IMMP2L: variants seen among roughly 807,000 people sequenced by gnomAD.
The protein encoded by IMMP2L is mitochondrial inner membrane protease subunit 2.
In IMMP2L, 18 loss-of-function variants were observed where a neutral mutation model predicts 19.3. That is an observed-to-expected ratio of 0.93 (90% confidence interval 0.64 to 1.38). IMMP2L has a LOEUF of 1.38. Ranked by LOEUF, IMMP2L falls within the 40% of genes most tolerant of loss-of-function variation. The pLI, the probability that IMMP2L is intolerant of heterozygous loss-of-function variation, is 0.00. For synonymous variants in IMMP2L, 76 were observed against 73.0 expected (o/e 1.04, Z -0.21); for missense variants, 233 against 218.2 (o/e 1.07, Z -0.43).
intron 5 of IMMP2L, among the ~76,000 whole-genome samples, chr7:110,689,055 T>G (rs1364177058): frequency 1.3e-5 from 2 of 152,142 alleles, no homozygotes; most frequent in Non-Finnish European, 2.9e-5. Context: ...CAACATCATC[T>G]GACAACTTGC....
chr7:111,224,329 T>G (rs536591213), intron 3 of IMMP2L, among the ~76,000 whole-genome samples: 2 of 152,154 alleles, frequency 1.3e-5, no homozygotes. Context: ...TTAAGGAAAA[T>G]TAACTTAATG....
intron 3 of IMMP2L, among the ~76,000 whole-genome samples, chr7:111,473,769 T>C (rs1252422746): frequency 1.3e-5 from 2 of 152,158 alleles, no homozygotes; most frequent in African/African-American, 4.8e-5. Context: ...GGAGATTTCT[T>C]AAAGAACTTA....
intron 5 of IMMP2L, among the ~76,000 whole-genome samples, chr7:110,804,242 C>T (rs1395466320): frequency 6.6e-6 from 1 of 152,028 alleles, no homozygotes; most frequent in Admixed American, 6.6e-5. Context: ...CTAGATCCTT[C>T]TTTCATGCCA....
At chr7:110,835,086 C>T (rs1804316017) in intron 5 of IMMP2L, among the ~76,000 whole-genome samples, 1 of 152,120 alleles carries the variant, frequency 6.6e-6, no homozygotes, top group African/African-American at 2.4e-5. Context: ...ACCACCAGAG[C>T]ACCTTAGGCA....
At chr7:111,263,843 G>C (rs1364730029) in intron 3 of IMMP2L, among the ~76,000 whole-genome samples, 1 of 152,110 alleles carries the variant, frequency 6.6e-6, no homozygotes, top group East Asian at 1.9e-4. Flanking sequence ...AGCATTTCAA[G>C]GAAGAAAGAA....
chr7:110,968,510 C>G (rs902255894), intron 3 of IMMP2L, among the ~76,000 whole-genome samples: 1 of 151,884 alleles, frequency 6.6e-6, no homozygotes, highest in African/African-American at 2.4e-5. Flanking sequence ...CCCGTCTCTA[C>G]AAAAAATACA....
intron 3 of IMMP2L, among the ~76,000 whole-genome samples, chr7:111,355,967 G>C (rs550319829): frequency 1.3e-5 from 2 of 151,956 alleles, no homozygotes; most frequent in African/African-American, 2.4e-5. Flanking sequence ...ATGATTATCT[G>C]AAAAACAAAC....
At chr7:110,964,796 T>C (rs1248965645) in intron 3 of IMMP2L, among the ~76,000 whole-genome samples, 1 of 151,950 alleles carries the variant, frequency 6.6e-6, no homozygotes, top group Non-Finnish European at 1.5e-5. Context: ...TTTCTATTTT[T>C]TCCTCCAACA....
At chr7:111,025,231 C>T (rs1379724650) in intron 3 of IMMP2L, among the ~76,000 whole-genome samples, 19 of 152,120 alleles carry the variant, frequency 1.2e-4, no homozygotes, top group Non-Finnish European at 1.9e-4. Context: ...TAAAGTGGCT[C>T]ACCACTTAAT....
intron 5 of IMMP2L, among the ~76,000 whole-genome samples, chr7:110,740,316 T>C (rs899823283): frequency 2.0e-5 from 3 of 152,124 alleles, no homozygotes; most frequent in South Asian, 4.1e-4. Flanking sequence ...ATAAAATTGA[T>C]AGACCATTAG....
intron 5 of IMMP2L, among the ~76,000 whole-genome samples, chr7:110,832,686 T>C (rs994489618): frequency 1.3e-5 from 2 of 152,156 alleles, no homozygotes; most frequent in Non-Finnish European, 2.9e-5. Context: ...GTGATAATAA[T>C]AAAAAGTTTC....
At chr7:111,202,381 C>G (rs1005228942) in intron 3 of IMMP2L, among the ~76,000 whole-genome samples, 8 of 152,182 alleles carry the variant, frequency 5.3e-5, no homozygotes, top group Non-Finnish European at 1.0e-4. Flanking sequence ...ACTGTACTCA[C>G]GCACTCATAG....
intron 5 of IMMP2L, among the ~76,000 whole-genome samples, chr7:110,848,826 G>A (rs781674624): frequency 7.9e-5 from 12 of 151,972 alleles, no homozygotes; most frequent in Non-Finnish European, 1.3e-4. Context: ...CATACTATAC[G>A]ATTTCAAATA....
At chr7:111,372,530 A>G (rs1830344998) in intron 3 of IMMP2L, among the ~76,000 whole-genome samples, 1 of 152,018 alleles carries the variant, frequency 6.6e-6, no homozygotes, top group African/African-American at 2.4e-5. Context: ...AGCAGATACC[A>G]AGGAAGGCAG....
intron 3 of IMMP2L, among the ~76,000 whole-genome samples, chr7:111,078,260 G>C (rs915369687): frequency 2.6e-5 from 4 of 152,150 alleles, no homozygotes; most frequent in African/African-American, 9.7e-5. Context: ...AATAAATGCT[G>C]GCAAGGGCAT....
chr7:111,144,781 C>T (rs961993119), intron 3 of IMMP2L, among the ~76,000 whole-genome samples: 1 of 152,022 alleles, frequency 6.6e-6, no homozygotes, highest in African/African-American at 2.4e-5. Flanking sequence ...TATTTATGTG[C>T]CAGTACTGAG....
chr7:111,522,636 AC>A (rs1435013997), intron 1 of IMMP2L, among the ~76,000 whole-genome samples: 7 of 152,078 alleles, frequency 4.6e-5, no homozygotes, highest in Non-Finnish European at 1.0e-4. Flanking sequence ...TCAAAAGGCA[AC>A]AAGTGCTGGC....
chr7:111,474,573 T>C lies in IMMP2L; in HGVS notation c.239+12665A>G, dbSNP rs1029056648. ...CCATATTGCTTTTCTTCCTTTTTGTTAAACTGAAATTCACCCAAGCAGTTT... is the reference window on the plus strand; with the variant it reads ...CCATATTGCTTTTCTTCCTTTTTGTCAAACTGAAATTCACCCAAGCAGTTT... On this transcript the variant is annotated intron_variant, in intron 3 of 5. Coordinates refer to ENST00000405709, the MANE Select transcript of IMMP2L (RefSeq NM_032549.4). Among the ~76,000 whole-genome samples the C allele has an allele frequency of 2.0e-5, 3 of 152,170 alleles. 1 individual carries two copies. In the South Asian group the frequency reaches 6.2e-4, roughly 32 times the overall value.
At chr7:110,967,325 A>T (rs1819644591) in intron 3 of IMMP2L, among the ~76,000 whole-genome samples, 1 of 152,052 alleles carries the variant, frequency 6.6e-6, no homozygotes, top group South Asian at 2.1e-4. Flanking sequence ...CTACTTTGGC[A>T]TACTCAAGAG....
Sources: gnomAD v4.1 joint callset for allele counts (sites outside exome capture counted in the v4.1 genomes callset) on GRCh38, gnomAD v4.1.1 for gene constraint, MANE v1.5 for transcripts, NCBI Gene and HGNC (gene_info 2026-07-23, HGNC 2026-07-21) for gene names.